BNC2: variants seen among roughly 807,000 people sequenced by gnomAD.
BNC2 encodes basonuclin zinc finger protein 2, also known as zinc finger protein basonuclin-2.
In BNC2, 20 loss-of-function variants were observed where a neutral mutation model predicts 76.3. That is an observed-to-expected ratio of 0.26 (90% confidence interval 0.18 to 0.38). The LOEUF (loss-of-function observed/expected upper bound fraction) is 0.38. BNC2 is among the 10% of genes least tolerant of loss of function. The probability of loss-of-function intolerance (pLI) is 1.00; values close to 1 mark genes in which losing one functional copy is unlikely to be tolerated. For missense variants in BNC2, 1,382 were observed against 1,399.8 expected, an observed-to-expected ratio of 0.99 and a Z score of 0.20; for synonymous variants, 582 against 514.8, an observed-to-expected ratio of 1.13 and a Z score of -1.77.
At chr9:16,790,457 T>C (rs1377606274) in intron 1 of BNC2, among the ~76,000 whole-genome samples, 1 of 152,166 alleles carries the variant, frequency 6.6e-6, no homozygotes, top group Non-Finnish European at 1.5e-5. Context: ...GAGAATTGTT[T>C]TATTTATTTA....
chr9:16,695,373 G>A (rs777177937), intron 3 of BNC2, among the ~76,000 whole-genome samples: 6 of 151,932 alleles, frequency 3.9e-5, no homozygotes, highest in Non-Finnish European at 4.4e-5. Context: ...TTTGTGACTC[G>A]CTGCAACCTT....
In BNC2 at chr9:16,413,257, T is replaced by C. The variant is rs545965856; in HGVS notation, c.*5732A>G. ...GCACTTTAGAGGAGAAGAATAAAGA[T>C]AGTTTTATGACAACTATAGTATGTT... is the stretch of plus-strand genomic sequence containing the variant. On this transcript the variant is annotated 3_prime_UTR_variant, in exon 7 of 7. Coordinates refer to ENST00000380672, the MANE Select transcript of BNC2 (RefSeq NM_017637.6). 30 of 152,092 alleles carry C rather than the reference T, an allele frequency of 2.0e-4. No homozygotes were observed. Among genetic ancestry groups the C allele is most frequent in the Non-Finnish European group, 3.4e-4 (23 of 68,028 alleles). The allele number at this position is 152,092 out of a possible 1,614,324, so 9.4% of individuals were successfully genotyped here.
At chr9:16,671,526 G>T (rs189851329) in intron 3 of BNC2, among the ~76,000 whole-genome samples, 205 of 152,230 alleles carry the variant, frequency 1.3e-3, no homozygotes, top group African/African-American at 4.7e-3. Flanking sequence ...ACCACGAGGG[G>T]TTCTGTTTGA....
chr9:16,533,959 C>CA (rs1158931445), intron 5 of BNC2, among the ~76,000 whole-genome samples: 53 of 150,898 alleles, frequency 3.5e-4, no homozygotes, highest in Non-Finnish European at 1.0e-4. Context: ...AATGTAACTA[C>CA]AAAAAACGTC....
chr9:16,677,550 G>A (rs932729557), intron 3 of BNC2, among the ~76,000 whole-genome samples: 2 of 136,546 alleles, frequency 1.5e-5, no homozygotes, highest in South Asian at 4.5e-4. Context: ...TCCAGCCCGG[G>A]GGACAAAGCT....
At chr9:16,429,861 G>A (rs895719110) in intron 6 of BNC2, 6 of 468,008 alleles carry the variant, frequency 1.3e-5, no homozygotes, top group Non-Finnish European at 2.1e-5. Context: ...AAGGTCAGCA[G>A]AGGCTTAAAC....
chr9:16,813,256 C>G (rs1368050186), intron 1 of BNC2, among the ~76,000 whole-genome samples: 1 of 151,422 alleles, frequency 6.6e-6, no homozygotes, highest in Admixed American at 6.6e-5. Context: ...CGGAAGCAAG[C>G]AGAAAAACCA....
chr9:16,606,429 C>G (rs1293599810), intron 3 of BNC2, among the ~76,000 whole-genome samples: 2 of 152,146 alleles, frequency 1.3e-5, no homozygotes, highest in Non-Finnish European at 2.9e-5. Flanking sequence ...ATAATTCCCA[C>G]ATGTTGTGGG....
intron 3 of BNC2, among the ~76,000 whole-genome samples, chr9:16,696,920 C>G (rs137973707): frequency 6.6e-6 from 1 of 152,188 alleles, no homozygotes; most frequent in African/African-American, 2.4e-5. Context: ...CAATGTCACC[C>G]TGTTGATCTG....
At chr9:16,524,637 T>C (rs997836393) in intron 5 of BNC2, among the ~76,000 whole-genome samples, 3 of 152,196 alleles carry the variant, frequency 2.0e-5, no homozygotes, top group African/African-American at 7.2e-5. Context: ...TAACATACTC[T>C]GTGTAAATAA....
chr9:16,461,606 CGGG>C (rs749467094), intron 5 of BNC2, among the ~76,000 whole-genome samples: 4 of 60,616 alleles, frequency 6.6e-5, no homozygotes, highest in Admixed American at 4.0e-4. Flanking sequence ...TGGGGGGTGG[CGGG>C]GGGAGTTTGT....
At chr9:16,791,031 G>C (rs1053135236) in intron 1 of BNC2, among the ~76,000 whole-genome samples, 2 of 151,958 alleles carry the variant, frequency 1.3e-5, no homozygotes, top group Non-Finnish European at 1.5e-5. Context: ...ATAACAGGAA[G>C]TGCTAGTGTA....
intron 6 of BNC2, among the ~76,000 whole-genome samples, chr9:16,421,449 A>AT (rs1389155072): frequency 2.6e-5 from 4 of 152,194 alleles, no homozygotes; most frequent in Non-Finnish European, 5.9e-5. Context: ...TCACAAAATT[A>AT]TTTTCTGTCA....
In BNC2 at chr9:16,516,871, G is replaced by C. The variant is rs1212572370; in HGVS notation, c.669+35659C>G. The stretch of plus-strand genomic sequence containing the variant: ...ATCAGGTGATTCTAACTCTAAATGA[G>C]GTAAACGTTAATTAGATGTTTCTGG... On this transcript the variant is annotated intron_variant, in intron 5 of 6. Coordinates refer to ENST00000380672, the MANE Select transcript of BNC2 (RefSeq NM_017637.6). Among the ~76,000 whole-genome samples the C allele has an allele frequency of 8.5e-5, 13 of 152,104 alleles. 1 individual carries two copies.
intron 5 of BNC2, among the ~76,000 whole-genome samples, chr9:16,502,599 A>G (rs1347260877): frequency 3.3e-5 from 5 of 152,050 alleles, no homozygotes; most frequent in African/African-American, 1.2e-4. Flanking sequence ...CTTGAAGAAT[A>G]TCATTCTGCA....
intron 5 of BNC2, among the ~76,000 whole-genome samples, chr9:16,468,330 T>C (rs1299899496): frequency 6.6e-6 from 1 of 152,182 alleles, no homozygotes; most frequent in African/African-American, 2.4e-5. Flanking sequence ...ATAGCTAATA[T>C]GTTTTGAACA....
chr9:16,443,463 A>G (rs1587033013), intron 5 of BNC2, among the ~76,000 whole-genome samples: 3 of 152,310 alleles, frequency 2.0e-5, no homozygotes, highest in African/African-American at 7.2e-5. Flanking sequence ...ATTGGATAGA[A>G]AGTAGAGAAA....
At chr9:16,569,333 G>T (rs1039516071) in intron 4 of BNC2, among the ~76,000 whole-genome samples, 1 of 151,970 alleles carries the variant, frequency 6.6e-6, no homozygotes, top group African/African-American at 2.4e-5. Context: ...AGGGACAAAA[G>T]TAGTTCCAGT....
At chr9:16,440,359 T>C (rs965765464) in intron 5 of BNC2, among the ~76,000 whole-genome samples, 7 of 152,184 alleles carry the variant, frequency 4.6e-5, no homozygotes, top group Non-Finnish European at 1.5e-5. Context: ...TGAGGAAGTC[T>C]TTCTCTAGAG....
Sources: gnomAD v4.1 joint callset for allele counts (sites outside exome capture counted in the v4.1 genomes callset) on GRCh38, gnomAD v4.1.1 for gene constraint, MANE v1.5 for transcripts, NCBI Gene and HGNC (gene_info 2026-07-23, HGNC 2026-07-21) for gene names.